Variants in CBX6 observed in about 807,000 individuals in gnomAD.
The protein encoded by CBX6 is chromobox protein homolog 6.
A neutral mutation model predicts 28.4 loss-of-function variants in CBX6; 7 were observed. The observed-to-expected ratio is 0.25, with a 90% CI of 0.14 to 0.46. CBX6 has a LOEUF of 0.46. CBX6 is among the 20% of genes least tolerant of loss of function. The pLI is 0.99. For synonymous variants in CBX6, 297 were observed against 273.4 expected (o/e 1.09, Z -0.85); for missense variants, 512 against 606.1 (o/e 0.84, Z 1.63).
rs1306397119 is a variant in CBX6, at chr22:38,865,155, G to A, written c.*1054C>T. On this transcript the variant is annotated 3_prime_UTR_variant, in exon 5 of 5. Transcript: ENST00000407418. ...CGGAGGAAGAGGGAGCTTGGAATGG[G>A]GTCTCCCTCTCTATCTCGGTCCCCA... 1 of 152,284 alleles carries A rather than the reference G, an allele frequency of 6.6e-6. No homozygotes were observed. The highest frequency in any genetic ancestry group is 1.5e-5 in the Non-Finnish European group (1 of 68,104). 9.4% of individuals were successfully genotyped at this position (152,284 alleles called of 1,614,324 possible).
At position 38,872,065 on chromosome 22, in the gene CBX6, CCCCCGGCCCCGG is replaced by C; in HGVS notation, c.69+45_69+56del. 7.8e-7 allele frequency: 1 copy of C among 1,283,816 alleles called. No homozygotes were observed. Among genetic ancestry groups the C allele is most frequent in the Non-Finnish European group, 9.9e-7 (1 of 1,005,842 alleles). 79.5% of individuals were successfully genotyped at this position (1,283,816 alleles called of 1,614,324 possible). A position where few individuals can be genotyped will look rare whatever the true frequency, so the allele number is the denominator to read the frequency against. On this transcript the variant is annotated intron_variant, in intron 1 of 4. Coordinates refer to ENST00000407418, the MANE Select transcript of CBX6 (RefSeq NM_014292.5). The surrounding 1 kb of genome is among the most constrained non-coding windows in gnomAD (Gnocchi z 5.0). Reference sequence around the variant, plus strand: ...TAGCGGGACCGCTTCGCCCCGAGGGCCCCCGGCCCCGGCCCCGGCTGCGGACAGCGGCGGCCC... The same window carrying C: ...TAGCGGGACCGCTTCGCCCCGAGGGCCCCCGGCTGCGGACAGCGGCGGCCC...
chr22:38,867,208 G>C lies in CBX6; in HGVS notation c.247-7C>G. 1.1e-6 allele frequency: 1 copy of C among 874,582 alleles called. No individual in the cohort carries two copies. The highest frequency in any genetic ancestry group is 5.4e-5 in the East Asian group (1 of 18,642). The allele number at this position is 874,582 out of a possible 1,614,324, so 54.2% of individuals were successfully genotyped here. A position where few individuals can be genotyped will look rare whatever the true frequency, so the allele number is the denominator to read the frequency against. ...CCTCGGCCTGGGCCCGCGCCTGCGG[G>C]CAGAGGGAGGGGTGGGTGGGACCTC... On this transcript the variant is annotated splice_polypyrimidine_tract_variant and splice_region_variant and intron_variant, in intron 4 of 4. Coordinates refer to ENST00000407418, the MANE Select transcript of CBX6 (RefSeq NM_014292.5).
rs1218116951 is a variant in CBX6 at position 38,864,241 on chromosome 22, TTTTG to T, written c.*1964_*1967del. 3.3e-5 allele frequency: 5 copies of T among 152,128 alleles called. No individual in the cohort carries two copies. The highest frequency in any genetic ancestry group is 2.0e-4 in the Admixed American group (3 of 15,280). The allele number at this position is 152,128 out of a possible 1,614,324, so 9.4% of individuals were successfully genotyped here. A position where few individuals can be genotyped will look rare whatever the true frequency, so the allele number is the denominator to read the frequency against. On this transcript the variant is annotated 3_prime_UTR_variant, in exon 5 of 5. Coordinates refer to ENST00000407418, the MANE Select transcript of CBX6 (RefSeq NM_014292.5). ...TCTATTTCTTTTTTTTTTCCTCTTTTTTTGTTTTTGTTTTTTTGCAAAACTAATT... is the reference window on the plus strand; with the variant it reads ...TCTATTTCTTTTTTTTTTCCTCTTTTTTTTTGTTTTTTTGCAAAACTAATT...
At position 38,866,792 on chromosome 22, in the gene CBX6, A is replaced by G. The variant is rs2093171374; in HGVS notation, c.656T>C (p.Val219Ala). Reference sequence around the variant, plus strand: ...CATGTGGCGGATCTGTGTACGCAGGACGCTCTCGCTGAACTTCTTGCTCTT... The same window carrying G: ...CATGTGGCGGATCTGTGTACGCAGGGCGCTCTCGCTGAACTTCTTGCTCTT... ...IGKSKKFSESVLRTQIRHMKF... is the reference protein window; with the variant it reads ...IGKSKKFSESALRTQIRHMKF... The change falls in exon 5 of 5, where the codon GTC becomes GCC. Residue 219 changes from valine (V) to alanine (A), a missense_variant. By Grantham distance (64) the Val-to-Ala change is moderately conservative. Coordinates refer to ENST00000407418, the MANE Select transcript of CBX6 (RefSeq NM_014292.5). The surrounding 1 kb of genome is among the most constrained non-coding windows in gnomAD (Gnocchi z 7.5). 6.2e-7 allele frequency: 1 copy of G among 1,612,468 alleles called. No individual in the cohort carries two copies.
rs2093166896 is a variant in CBX6 at position 38,865,277 on chromosome 22, AG to A, written c.*931del. ...GTGCCCCCAGCACACCTGGGCCAGG[AG>A]GGGAGGCCTGGTGACTTCCACAGCA... On this transcript the variant is annotated 3_prime_UTR_variant, in exon 5 of 5. Transcript: ENST00000407418. The A allele has an allele frequency of 6.6e-6, 1 of 152,314 alleles. No individual in the cohort carries two copies. Among genetic ancestry groups the A allele is most frequent in the African/African-American group, 2.4e-5 (1 of 41,418 alleles). The allele number at this position is 152,314 out of a possible 1,614,324, so 9.4% of individuals were successfully genotyped here. A position where few individuals can be genotyped will look rare whatever the true frequency, so the allele number is the denominator to read the frequency against.
rs1391676560 is a variant in CBX6, at chr22:38,861,857, T to C, written c.*4352A>G. On this transcript the variant is annotated 3_prime_UTR_variant, in exon 5 of 5. Transcript: ENST00000407418. ...TAAAAATGAGAGAAAAAAGAGACAG[T>C]GCCCCTCCCCAAATATAGAGCTATA... is the stretch of plus-strand genomic sequence containing the variant. 1 of 152,198 alleles carries C rather than the reference T, an allele frequency of 6.6e-6. No individual in the cohort carries two copies. Among genetic ancestry groups the C allele is most frequent in the Non-Finnish European group, 1.5e-5 (1 of 68,028 alleles). The allele number at this position is 152,198 out of a possible 1,614,324, so 9.4% of individuals were successfully genotyped here.
At position 38,871,223 on chromosome 22, in the gene CBX6, A is replaced by C; in HGVS notation, c.246+257T>G. On this transcript the variant is annotated intron_variant, in intron 4 of 4. Coordinates refer to ENST00000407418, the MANE Select transcript of CBX6 (RefSeq NM_014292.5). The surrounding 1 kb of genome is among the most constrained non-coding windows in gnomAD (Gnocchi z 5.6). ...AGCCACCCCCTTTCCTGGAGCCCTAAAGGCATCCCCAGCCCCTGGTTTCAA... is the reference window on the plus strand; with the variant it reads ...AGCCACCCCCTTTCCTGGAGCCCTACAGGCATCCCCAGCCCCTGGTTTCAA... 1.7e-6 allele frequency: 1 copy of C among 576,398 alleles called. No homozygotes were observed. Among genetic ancestry groups the C allele is most frequent in the Non-Finnish European group, 3.1e-6 (1 of 327,126 alleles). 35.7% of individuals were successfully genotyped at this position (576,398 alleles called of 1,614,324 possible).
rs189415673 is a variant in CBX6, at chr22:38,868,167, G to A, written c.247-966C>T. Reference sequence around the variant, plus strand: ...AGAGAGGCTAAGGGACTCCTAAGGCGATGTAAGCTGTCTGCATGGCCAGTC... The same window carrying A: ...AGAGAGGCTAAGGGACTCCTAAGGCAATGTAAGCTGTCTGCATGGCCAGTC... On this transcript the variant is annotated intron_variant, in intron 4 of 4. Coordinates refer to ENST00000407418, the MANE Select transcript of CBX6 (RefSeq NM_014292.5). Among the ~76,000 whole-genome samples, 92 of 152,348 alleles carry A rather than the reference G, an allele frequency of 6.0e-4. 2 individuals carry two copies. In the East Asian group the frequency reaches 0.014, roughly 24 times the overall value.
Position 38,872,120 on chromosome 22 carries a change from A to G in CBX6, c.69+2T>C. 1.4e-6 allele frequency: 2 copies of G among 1,398,004 alleles called. No homozygotes were observed. The highest frequency in any genetic ancestry group is 3.6e-5 in the East Asian group (1 of 27,846). 86.6% of individuals were successfully genotyped at this position (1,398,004 alleles called of 1,614,324 possible). On this transcript the variant is annotated splice_donor_variant, in intron 1 of 4. Coordinates refer to ENST00000407418, the MANE Select transcript of CBX6 (RefSeq NM_014292.5). LOFTEE classifies it high-confidence loss of function. This position sits in a 1 kb window ranked among gnomAD's most constrained non-coding sequence, Gnocchi z 5.0. Reference sequence around the variant, plus strand: ...GGCGGCCCGCCCCGGGCGGCGGCTCACCTTTCGGATCCGCCGTTTGATGAT... The same window carrying G: ...GGCGGCCCGCCCCGGGCGGCGGCTCGCCTTTCGGATCCGCCGTTTGATGAT...
chr22:38,866,517 C>A lies in CBX6; in HGVS notation c.931G>T (p.Glu311Ter). ...SPSAPSWREPEVLDLSLPPES... is the reference protein window; with the variant it reads ...SPSAPSWREP Reference sequence around the variant, plus strand: ...GGAGGGAGGGACAGGTCGAGCACCTCCGGCTCGCGCCAGCTGGGGGCGGAT... The same window carrying A: ...GGAGGGAGGGACAGGTCGAGCACCTACGGCTCGCGCCAGCTGGGGGCGGAT... The change falls in exon 5 of 5, where the codon GAG (glutamate) becomes TAG (stop). Residue 311 changes from glutamate to a stop codon, truncating the protein, a stop_gained. Transcript: ENST00000407418. LOFTEE classifies it high-confidence loss of function. This position sits in a 1 kb window ranked among gnomAD's most constrained non-coding sequence, Gnocchi z 7.5. 6.3e-7 allele frequency: 1 copy of A among 1,582,562 alleles called. No homozygotes were observed.
rs571613135 is a variant in CBX6 at position 38,870,579 on chromosome 22, T to G, written c.246+901A>C. ...ATATGAAATTCTGGAAACCAACATTTCTTTCACTTCTGCTTCTCTTCTCCG... is the reference window on the plus strand; with the variant it reads ...ATATGAAATTCTGGAAACCAACATTGCTTTCACTTCTGCTTCTCTTCTCCG... On this transcript the variant is annotated intron_variant, in intron 4 of 4. Coordinates refer to ENST00000407418, the MANE Select transcript of CBX6 (RefSeq NM_014292.5). The surrounding 1 kb of genome is among the most constrained non-coding windows in gnomAD (Gnocchi z 4.3). 6.6e-6 allele frequency: 1 copy of G among 152,250 alleles called. No individual in the cohort carries two copies. Among genetic ancestry groups the G allele is most frequent in the Non-Finnish European group, 1.5e-5 (1 of 68,056 alleles). The allele number at this position is 152,250 out of a possible 1,614,324, so 9.4% of individuals were successfully genotyped here. A position where few individuals can be genotyped will look rare whatever the true frequency, so the allele number is the denominator to read the frequency against.
At position 38,861,833 on chromosome 22, in the gene CBX6, A is replaced by G. The variant is rs902749366; in HGVS notation, c.*4376T>C. 3 of 152,262 alleles carry G rather than the reference A, an allele frequency of 2.0e-5. No homozygotes were observed. The highest frequency in any genetic ancestry group is 4.4e-5 in the Non-Finnish European group (3 of 68,042). The allele number at this position is 152,262 out of a possible 1,614,324, so 9.4% of individuals were successfully genotyped here. On this transcript the variant is annotated 3_prime_UTR_variant, in exon 5 of 5. Coordinates refer to ENST00000407418, the MANE Select transcript of CBX6 (RefSeq NM_014292.5). ...TACAAAGGCAACAACACTTCATTTT[A>G]AAAATGAGAGAAAAAAGAGACAGTG...
Position 38,862,758 on chromosome 22 carries a change from C to G in CBX6, c.*3451G>C, listed in dbSNP as rs576067351. ...GCGGGCCCACCGGCCTGGCTCTCCT[C>G]CAGGACCTCCTGGCTCAGGGGCTCG... is the stretch of plus-strand genomic sequence containing the variant. On this transcript the variant is annotated 3_prime_UTR_variant, in exon 5 of 5. Transcript: ENST00000407418. 2 of 152,310 alleles carry G rather than the reference C, an allele frequency of 1.3e-5. No individual in the cohort carries two copies. The highest frequency in any genetic ancestry group is 4.8e-5 in the African/African-American group (2 of 41,454). 9.4% of individuals were successfully genotyped at this position (152,310 alleles called of 1,614,324 possible). A position where few individuals can be genotyped will look rare whatever the true frequency, so the allele number is the denominator to read the frequency against.
In CBX6 at chr22:38,871,674, G is replaced by C. The variant is rs774811478; in HGVS notation, c.179+18C>G. 1 of 1,613,088 alleles carries C rather than the reference G, an allele frequency of 6.2e-7. No homozygotes were observed. The highest frequency in any genetic ancestry group is 8.5e-7 in the Non-Finnish European group (1 of 1,179,572). On this transcript the variant is annotated intron_variant, in intron 3 of 4. Transcript: ENST00000407418. This position sits in a 1 kb window ranked among gnomAD's most constrained non-coding sequence, Gnocchi z 5.6. ...AGCCTCGGCCTCGCAGCCCCTGCCA[G>C]CTTCCCCAACAACTCACTTTTGTTC... is the stretch of plus-strand genomic sequence containing the variant.
Position 38,862,424 on chromosome 22 carries a change from TC to T in CBX6, c.*3784del, listed in dbSNP as rs559558326. 7.0e-4 allele frequency: 97 copies of T among 137,938 alleles called. No homozygotes were observed. The highest frequency in any genetic ancestry group is 2.6e-3 in the African/African-American group (95 of 36,612). 8.5% of individuals were successfully genotyped at this position (137,938 alleles called of 1,614,324 possible). ...TCTTTAAAAGTGTTTCCTCAAACCA[TC>T]CCCGTCCCAAAGAGGCCGCCTTGGG... On this transcript the variant is annotated 3_prime_UTR_variant, in exon 5 of 5. Coordinates refer to ENST00000407418, the MANE Select transcript of CBX6 (RefSeq NM_014292.5).
In CBX6 at chr22:38,862,251, T is replaced by A. The variant is rs557702054; in HGVS notation, c.*3958A>T. Reference sequence around the variant, plus strand: ...GGGCATCTTTGGCCCCCACTAACCATCTCCCTATTTCTGCATCCTGGTGAC... The same window carrying A: ...GGGCATCTTTGGCCCCCACTAACCAACTCCCTATTTCTGCATCCTGGTGAC... On this transcript the variant is annotated 3_prime_UTR_variant, in exon 5 of 5. Coordinates refer to ENST00000407418, the MANE Select transcript of CBX6 (RefSeq NM_014292.5). 2.0e-5 allele frequency: 3 copies of A among 152,174 alleles called. No individual in the cohort carries two copies. In the East Asian group the frequency reaches 5.8e-4, roughly 29 times the overall value. 9.4% of individuals were successfully genotyped at this position (152,174 alleles called of 1,614,324 possible). A position where few individuals can be genotyped will look rare whatever the true frequency, so the allele number is the denominator to read the frequency against.
Position 38,871,392 on chromosome 22 carries a change from C to T in CBX6, c.246+88G>A. ...GAAAAGGCCGGCCCGCTTGGGCGGC[C>T]GCGTATCTGTCCCTCCCTTCCAGGC... is the stretch of plus-strand genomic sequence containing the variant. On this transcript the variant is annotated intron_variant, in intron 4 of 4. Transcript: ENST00000407418. This position sits in a 1 kb window ranked among gnomAD's most constrained non-coding sequence, Gnocchi z 5.6. 1 of 1,365,082 alleles carries T rather than the reference C, an allele frequency of 7.3e-7. No individual in the cohort carries two copies. The highest frequency in any genetic ancestry group is 1.0e-6 in the Non-Finnish European group (1 of 991,916). 84.6% of individuals were successfully genotyped at this position (1,365,082 alleles called of 1,614,324 possible). A position where few individuals can be genotyped will look rare whatever the true frequency, so the allele number is the denominator to read the frequency against.
In CBX6 at chr22:38,865,919, G is replaced by A; in HGVS notation, c.*290C>T. The A allele has an allele frequency of 2.2e-6, 1 of 449,584 alleles. No homozygotes were observed. The highest frequency in any genetic ancestry group is 4.0e-6 in the Non-Finnish European group (1 of 252,356). The allele number at this position is 449,584 out of a possible 1,614,324, so 27.8% of individuals were successfully genotyped here. On this transcript the variant is annotated 3_prime_UTR_variant, in exon 5 of 5. Coordinates refer to ENST00000407418, the MANE Select transcript of CBX6 (RefSeq NM_014292.5). ...AGGAAGCAAGCTAGAGAGACAGGTG[G>A]GATGTGGAAGGGGCAGAGGAACCCT...
Position 38,861,861 on chromosome 22 carries a change from C to T in CBX6, c.*4348G>A, listed in dbSNP as rs2093157933. 6.6e-6 allele frequency: 1 copy of T among 152,104 alleles called. No homozygotes were observed. Among genetic ancestry groups the T allele is most frequent in the Admixed American group, 6.5e-5 (1 of 15,280 alleles). The allele number at this position is 152,104 out of a possible 1,614,324, so 9.4% of individuals were successfully genotyped here. On this transcript the variant is annotated 3_prime_UTR_variant, in exon 5 of 5. Coordinates refer to ENST00000407418, the MANE Select transcript of CBX6 (RefSeq NM_014292.5). ...AATGAGAGAAAAAAGAGACAGTGCC[C>T]CTCCCCAAATATAGAGCTATATATG...
Sources: gnomAD v4.1 joint callset for allele counts (sites outside exome capture counted in the v4.1 genomes callset) on GRCh38, gnomAD v4.1.1 for gene constraint, Gnocchi (gnomAD v3.1) non-coding constraint, MANE v1.5 for transcripts, NCBI Gene and HGNC (gene_info 2026-07-23, HGNC 2026-07-21) for gene names.